ASF1A: variants seen among roughly 807,000 people sequenced by gnomAD.
ASF1A encodes anti-silencing function 1A histone chaperone.
A neutral mutation model predicts 22.0 loss-of-function variants in ASF1A; 5 were observed. The observed-to-expected ratio is 0.23, with a 90% confidence interval of 0.12 to 0.48. The LOEUF (loss-of-function observed/expected upper bound fraction) is 0.48. ASF1A is among the 20% of genes least tolerant of loss of function. ASF1A has a pLI of 0.99. For synonymous variants in ASF1A, 97 were observed against 86.7 expected (o/e 1.12, Z -0.66); for missense variants, 137 against 240.6 (o/e 0.57, Z 2.85).
chr6:118,895,995 C>A (rs887297567), intron 1 of ASF1A, among the ~76,000 whole-genome samples: 13 of 151,020 alleles, frequency 8.6e-5, no homozygotes, highest in African/African-American at 3.2e-4. Context: ...GTGCCTTGCC[C>A]TATCTCCTTT....
chr6:118,901,374 T>TA (rs1246668714), intron 2 of ASF1A, among the ~76,000 whole-genome samples: 2 of 152,234 alleles, frequency 1.3e-5, no homozygotes, highest in Admixed American at 6.5e-5. Context: ...GGTTAACAGA[T>TA]ACGTTTAGTG....
In ASF1A at chr6:118,895,105, G is replaced by T. The variant is rs568167386; in HGVS notation, c.109+583G>T. ...CTCTCCGGGCTGGCCATGCCTGGCCGCTTCGGGGAGGAGAGCGAGGCTGTC... is the reference window on the plus strand; with the variant it reads ...CTCTCCGGGCTGGCCATGCCTGGCCTCTTCGGGGAGGAGAGCGAGGCTGTC... On this transcript the variant is annotated intron_variant, in intron 1 of 3. Coordinates refer to ENST00000229595, the MANE Select transcript of ASF1A (RefSeq NM_014034.3). Among the ~76,000 whole-genome samples the T allele has an allele frequency of 2.6e-5, 4 of 152,266 alleles. No homozygotes were observed. The South Asian group carries it at 8.3e-4, about 32-fold the overall frequency.
At chr6:118,907,169 C>A (rs1780239326) in intron 3 of ASF1A, among the ~76,000 whole-genome samples, 1 of 152,098 alleles carries the variant, frequency 6.6e-6, no homozygotes, top group South Asian at 2.1e-4. Flanking sequence ...CCAGATGAAT[C>A]CCCTCAGATT....
At chr6:118,899,968 C>T (rs952253004) in intron 1 of ASF1A, among the ~76,000 whole-genome samples, 1 of 152,212 alleles carries the variant, frequency 6.6e-6, no homozygotes, top group East Asian at 1.9e-4. Context: ...CCAAAGAGTT[C>T]TACTCATCTC....
At position 118,905,700 on chromosome 6, in the gene ASF1A, G is replaced by A; in HGVS notation, c.274G>A (p.Val92Ile). The A allele has an allele frequency of 6.2e-7, 1 of 1,613,624 alleles. No homozygotes were observed. Among genetic ancestry groups the A allele is most frequent in the Non-Finnish European group, 8.5e-7 (1 of 1,179,664 alleles). ...GLIPDADAVG[V>I]TVVLITCTYR... ...CATTCCAGATGCAGATGCAGTAGGCGTAACTGTTGTGCTAATTACTTGTAC... is the reference window on the plus strand; with the variant it reads ...CATTCCAGATGCAGATGCAGTAGGCATAACTGTTGTGCTAATTACTTGTAC... The change falls in exon 3 of 4, where the codon GTA becomes ATA. Residue 92 changes from valine (V) to isoleucine (I), a missense_variant. This residue lies in a region of ASF1A where 96 missense variants were observed against 196.7 expected (regional missense o/e 0.49). Transcript: ENST00000229595.
intron 2 of ASF1A, among the ~76,000 whole-genome samples, chr6:118,904,895 T>C (rs1236992889): frequency 6.6e-6 from 1 of 152,238 alleles, no homozygotes; most frequent in Non-Finnish European, 1.5e-5. Context: ...TGGAGTGCAG[T>C]AGTGCGATCT....
intron 1 of ASF1A, 68 bp downstream of exon 1, chr6:118,894,590 G>C: frequency 1.3e-5 from 17 of 1,352,570 alleles, no homozygotes; most frequent in Non-Finnish European, 1.6e-5. Flanking sequence ...TTCCCGGGCC[G>C]GGCCTCGCGC....
chr6:118,894,297 T>C lies in ASF1A; in HGVS notation c.-117T>C, dbSNP rs1429695500. On this transcript the variant is annotated 5_prime_UTR_variant, in exon 1 of 4. Transcript: ENST00000229595. ...GGAAAAAAGTTTCTCAAGTCGCCGC[T>C]GCACGACGTCTGGCCGGCGCTGGAG... is the stretch of plus-strand genomic sequence containing the variant. 7 of 1,489,228 alleles carry C rather than the reference T, an allele frequency of 4.7e-6. No homozygotes were observed. The highest frequency in any genetic ancestry group is 6.2e-6 in the Non-Finnish European group (7 of 1,124,204). The allele number at this position is 1,489,228 out of a possible 1,614,324, so 92.3% of individuals were successfully genotyped here.
In ASF1A at chr6:118,907,772, G is replaced by T; in HGVS notation, c.*158G>T. On this transcript the variant is annotated 3_prime_UTR_variant, in exon 4 of 4. Coordinates refer to ENST00000229595, the MANE Select transcript of ASF1A (RefSeq NM_014034.3). Reference sequence around the variant, plus strand: ...GAAAACCAGTATTTGAACAAATTGTGGAATATAAATACAACTATTTTTAAG... The same window carrying T: ...GAAAACCAGTATTTGAACAAATTGTTGAATATAAATACAACTATTTTTAAG... 7.0e-6 allele frequency: 4 copies of T among 571,132 alleles called. No individual in the cohort carries two copies. Among genetic ancestry groups the T allele is most frequent in the East Asian group, 2.9e-5 (1 of 34,538 alleles). The allele number at this position is 571,132 out of a possible 1,614,324, so 35.4% of individuals were successfully genotyped here.
intron 1 of ASF1A, among the ~76,000 whole-genome samples, chr6:118,900,402 G>T (rs1328012191): frequency 6.6e-6 from 1 of 152,220 alleles, no homozygotes; most frequent in Non-Finnish European, 1.5e-5. Context: ...AATTTGGGAA[G>T]TGCTGGATTA....
intron 2 of ASF1A, among the ~76,000 whole-genome samples, chr6:118,904,893 A>G (rs1008369064): frequency 1.3e-5 from 2 of 152,204 alleles, no homozygotes; most frequent in Non-Finnish European, 2.9e-5. Flanking sequence ...GCTGGAGTGC[A>G]GTAGTGCGAT....
chr6:118,899,631 G>T (rs117680073), intron 1 of ASF1A, among the ~76,000 whole-genome samples: 1 of 152,148 alleles, frequency 6.6e-6, no homozygotes, highest in African/African-American at 2.4e-5. Flanking sequence ...GAAAATGATT[G>T]CTGACTTAAT....
intron 1 of ASF1A, among the ~76,000 whole-genome samples, chr6:118,900,105 A>G (rs935906644): frequency 2.6e-5 from 4 of 152,148 alleles, no homozygotes; most frequent in Admixed American, 6.5e-5. Context: ...TGTATACTCT[A>G]TTGTATCACG....
chr6:118,898,648 C>T (rs192054516), intron 1 of ASF1A, among the ~76,000 whole-genome samples: 1 of 152,242 alleles, frequency 6.6e-6, no homozygotes, highest in Non-Finnish European at 1.5e-5. Context: ...GAACTCCTGA[C>T]CTCAAGCCAT....
At chr6:118,903,584 A>C (rs1779957449) in intron 2 of ASF1A, among the ~76,000 whole-genome samples, 1 of 152,192 alleles carries the variant, frequency 6.6e-6, no homozygotes, top group Admixed American at 6.5e-5. Flanking sequence ...CAGCACATAA[A>C]AAAGGAATCT....
intron 1 of ASF1A, among the ~76,000 whole-genome samples, chr6:118,898,016 A>G (rs1779552230): frequency 6.6e-6 from 1 of 152,174 alleles, no homozygotes; most frequent in South Asian, 2.1e-4. Flanking sequence ...CTGCAAATAA[A>G]TTCCCTTATT....
chr6:118,895,861 T>A (rs970637941), intron 1 of ASF1A, among the ~76,000 whole-genome samples: 4 of 152,120 alleles, frequency 2.6e-5, no homozygotes, highest in Non-Finnish European at 5.9e-5. Context: ...AACTAGTTTT[T>A]AATCTCTAAA....
In ASF1A at chr6:118,906,740, G is replaced by C. The variant is rs1287957898; in HGVS notation, c.403-662G>C. Among the ~76,000 whole-genome samples the C allele has an allele frequency of 3.3e-5, 5 of 152,112 alleles. No homozygotes were observed. The East Asian group carries it at 5.8e-4, about 18-fold the overall frequency. On this transcript the variant is annotated intron_variant, in intron 3 of 3. Coordinates refer to ENST00000229595, the MANE Select transcript of ASF1A (RefSeq NM_014034.3). ...CTTAGTATTTTCTGATTTTTCACTG[G>C]GAACTATAACAGTTTGGTAACTGGT...
chr6:118,900,986 G>T, intron 2 of ASF1A, 105 bp downstream of exon 2: 1 of 770,778 alleles, frequency 1.3e-6, no homozygotes, highest in Admixed American at 2.2e-5. Context: ...TTAAAGAACT[G>T]CTTCTGCTGC....
Sources: allele counts gnomAD v4.1 joint callset (sites outside exome capture counted in the v4.1 genomes callset), GRCh38; gene constraint gnomAD v4.1.1; regional missense constraint gnomAD v4.1.1; transcripts MANE v1.5; gene names NCBI Gene and HGNC (gene_info 2026-07-23, HGNC 2026-07-21).